PRR5: variants seen among roughly 807,000 people sequenced by gnomAD.
The protein encoded by PRR5 is proline rich 5.
PRR5 carries 25 observed loss-of-function variants against 30.6 expected under a neutral mutation model. The observed-to-expected ratio is 0.82, with a 90% confidence interval of 0.60 to 1.14. The LOEUF (loss-of-function observed/expected upper bound fraction) is 1.14, where lower values mean the gene tolerates loss of function less well. Ranked by LOEUF, PRR5 falls within the 50% of genes most tolerant of loss-of-function variation. The pLI, the probability that PRR5 is intolerant of heterozygous loss-of-function variation, is 0.00. For missense variants in PRR5, 600 were observed against 547.1 expected (o/e 1.10, Z -0.96); for synonymous variants, 286 against 247.1 (o/e 1.16, Z -1.48).
At chr22:44,687,901 A>G (rs1366001158) in intron 1 of PRR5, among the ~76,000 whole-genome samples, 2 of 151,734 alleles carry the variant, frequency 1.3e-5, no homozygotes, top group African/African-American at 4.8e-5. Context: ...CAGCCCCCCG[A>G]GTAGCTGGGA....
At chr22:44,676,933 C>A (rs1923814418), upstream of PRR5, 1 of 152,248 alleles carries the variant, frequency 6.6e-6, no homozygotes, top group African/African-American at 2.4e-5. Context: ...TCGGGGGCAG[C>A]TCCCACCCGA....
chr22:44,703,410 C>T (rs1395429166), intron 1 of PRR5, among the ~76,000 whole-genome samples: 1 of 151,720 alleles, frequency 6.6e-6, no homozygotes, highest in Non-Finnish European at 1.5e-5. Context: ...TAAAATCTTG[C>T]CAGATGCTCC....
intron 1 of PRR5, among the ~76,000 whole-genome samples, chr22:44,707,143 G>A (rs1471327507): frequency 1.3e-5 from 2 of 152,166 alleles, no homozygotes; most frequent in Admixed American, 6.5e-5. Context: ...CCTGTTCCCT[G>A]CTAGCTCCCA....
rs141781446 is a variant in PRR5 at position 44,696,467 on chromosome 22, T to C, written c.-10-6025T>C. On this transcript the variant is annotated intron_variant, in intron 1 of 8. Transcript: ENST00000006251. ...GGAAGGTGGCTTGGAGAGAGAATCT[T>C]ATGCAGGTGCATGTGTGACGTCTGG... is the stretch of plus-strand genomic sequence containing the variant. Among the ~76,000 whole-genome samples the C allele has an allele frequency of 5.6e-3, 850 of 152,306 alleles. 7 individuals are homozygous for C. Among genetic ancestry groups the C allele is most frequent in the African/African-American group, 0.019 (808 of 41,574 alleles).
At chr22:44,736,660 C>A in intron 7 of PRR5, 112 bp from the exon 8 acceptor site, 1 of 1,462,320 alleles carries the variant, frequency 6.8e-7, no homozygotes, top group Non-Finnish European at 9.0e-7. Flanking sequence ...CGGGTCGGGC[C>A]TTCCCTGCAG....
At chr22:44,710,779 G>A (rs1484523836) in intron 1 of PRR5, among the ~76,000 whole-genome samples, 1 of 152,142 alleles carries the variant, frequency 6.6e-6, no homozygotes, top group Non-Finnish European at 1.5e-5. Context: ...GGGGGCTGGT[G>A]GTTAGGTGAC....
intron 1 of PRR5, among the ~76,000 whole-genome samples, chr22:44,706,973 A>G (rs1174135726): frequency 1.3e-5 from 2 of 152,182 alleles, no homozygotes; most frequent in African/African-American, 2.4e-5. Context: ...AGCCTGTGAC[A>G]GATCTGCCTC....
chr22:44,724,422 A>G (rs939000044), intron 2 of PRR5, among the ~76,000 whole-genome samples: 1 of 152,174 alleles, frequency 6.6e-6, no homozygotes, highest in Non-Finnish European at 1.5e-5. Context: ...GTGACAAAGC[A>G]AAACTTCGTC....
upstream of PRR5, among the ~76,000 whole-genome samples, chr22:44,675,699 G>A (rs1923703891): frequency 6.6e-6 from 1 of 152,046 alleles, no homozygotes; most frequent in African/African-American, 2.4e-5. Flanking sequence ...GAGGAGATGG[G>A]ATGTGAAGTG....
chr22:44,728,533 C>A (rs904999140), intron 4 of PRR5, among the ~76,000 whole-genome samples: 2 of 152,226 alleles, frequency 1.3e-5, no homozygotes, highest in East Asian at 3.9e-4. Flanking sequence ...AGAAAGGGTT[C>A]ATTCCACCTT....
chr22:44,736,148 G>T (rs900076998), intron 7 of PRR5, among the ~76,000 whole-genome samples: 10 of 152,164 alleles, frequency 6.6e-5, no homozygotes, highest in Admixed American at 2.0e-4. Flanking sequence ...TCCTCCCTGG[G>T]TCCCCACGTC....
At chr22:44,722,515 G>C (rs777958821) in intron 2 of PRR5, among the ~76,000 whole-genome samples, 1 of 152,340 alleles carries the variant, frequency 6.6e-6, no homozygotes, top group South Asian at 2.1e-4. Context: ...CCCAGGCCAC[G>C]TCTCTGGGCT....
chr22:44,722,055 T>A (rs1210140789), intron 2 of PRR5, among the ~76,000 whole-genome samples: 2 of 151,972 alleles, frequency 1.3e-5, no homozygotes, highest in Non-Finnish European at 2.9e-5. Flanking sequence ...TGGGAGAAGG[T>A]TGGGGGGACT....
At chr22:44,732,738 CCA>C (rs202216719) in intron 6 of PRR5, among the ~76,000 whole-genome samples, 7,568 of 146,106 alleles carry the variant, frequency 0.052, 251 homozygotes, top group Admixed American at 0.1. Flanking sequence ...TGCATACACA[CCA>C]CACACGTGTG....
intron 4 of PRR5, 81 bp from the exon 5 acceptor site, chr22:44,731,649 C>G: frequency 1.4e-6 from 2 of 1,432,654 alleles, no homozygotes; most frequent in Non-Finnish European, 2.0e-6. Flanking sequence ...ACTCCCGCAT[C>G]CTCTGATGAC....
At chr22:44,709,943 G>A (rs924316111) in intron 1 of PRR5, among the ~76,000 whole-genome samples, 2 of 152,168 alleles carry the variant, frequency 1.3e-5, no homozygotes, top group African/African-American at 4.8e-5. Flanking sequence ...GGGGTAATTT[G>A]TTATGGCCGC....
intron 1 of PRR5, among the ~76,000 whole-genome samples, chr22:44,703,076 GC>G (rs1344724144): frequency 6.6e-6 from 1 of 152,170 alleles, no homozygotes; most frequent in African/African-American, 2.4e-5. Context: ...CCCTTGAGAG[GC>G]CCCCTGTCCT....
chr22:44,680,465 G>T (rs1601949566), intron 1 of PRR5, among the ~76,000 whole-genome samples: 1 of 152,204 alleles, frequency 6.6e-6, no homozygotes, highest in Non-Finnish European at 1.5e-5. Context: ...GCTGGTCCCT[G>T]CCTGGTGGGG....
chr22:44,735,291 A>C (rs1602105923), intron 7 of PRR5, 129 bp downstream of exon 7: 1 of 1,308,808 alleles, frequency 7.6e-7, no homozygotes, highest in Non-Finnish European at 1.0e-6. Flanking sequence ...TCAGCCGGGC[A>C]GCAGCCCCCA....
Sources: allele counts gnomAD v4.1 joint callset (sites outside exome capture counted in the v4.1 genomes callset), GRCh38; gene constraint gnomAD v4.1.1; transcripts MANE v1.5; gene names NCBI Gene and HGNC (gene_info 2026-07-23, HGNC 2026-07-21).